Variants in CARMIL1 observed in about 807,000 individuals in gnomAD.
CARMIL1 encodes capping protein regulator and myosin 1 linker 1.
Under a neutral mutation model 177.1 loss-of-function variants are expected in CARMIL1, and 90 were observed. The observed-to-expected ratio is 0.51, with a 90% CI of 0.43 to 0.61. The LOEUF is 0.61. Ranked by LOEUF, CARMIL1 falls within the 20% of genes least tolerant of loss-of-function variation. The pLI is 0.00. For synonymous variants in CARMIL1, 577 were observed against 606.2 expected (o/e 0.95, Z 0.71); for missense variants, 1,380 against 1,667.0 (o/e 0.83, Z 3.00).
chr6:25,500,278 T>A, intron 17 of CARMIL1, 43 bp downstream of exon 17: 2 of 1,545,346 alleles, frequency 1.3e-6, no homozygotes, highest in Non-Finnish European at 1.8e-6. Flanking sequence ...GATAATAGCC[T>A]CAACCGCTTT....
intron 2 of CARMIL1, among the ~76,000 whole-genome samples, chr6:25,402,020 TC>T (rs1218971613): frequency 6.6e-6 from 1 of 152,032 alleles, no homozygotes; most frequent in Admixed American, 6.6e-5. Flanking sequence ...TCAATTAATT[TC>T]CCTTTTTATG....
Position 25,619,867 on chromosome 6 carries a change from A to G in CARMIL1, c.*284A>G, listed in dbSNP as rs1279876155. The G allele has an allele frequency of 5.1e-6, 1 of 196,758 alleles. No individual in the cohort carries two copies. The highest frequency in any genetic ancestry group is 1.0e-5 in the Non-Finnish European group (1 of 98,402). The allele number at this position is 196,758 out of a possible 1,614,324, so 12.2% of individuals were successfully genotyped here. A position where few individuals can be genotyped will look rare whatever the true frequency, so the allele number is the denominator to read the frequency against. ...CATTCCTTCATATGCCTTTAATGAA[A>G]GCCAGCAATTATCCCATGGGCCCTA... On this transcript the variant is annotated 3_prime_UTR_variant, in exon 37 of 37. Coordinates refer to ENST00000329474, the MANE Select transcript of CARMIL1 (RefSeq NM_017640.6).
chr6:25,568,302 GA>G (rs1811742676), intron 29 of CARMIL1, among the ~76,000 whole-genome samples: 2 of 152,156 alleles, frequency 1.3e-5, no homozygotes, highest in African/African-American at 4.8e-5. Context: ...ATAATTAATA[GA>G]AATTAAAAAG....
At chr6:25,281,693 T>C (rs184315947) in intron 1 of CARMIL1, among the ~76,000 whole-genome samples, 4 of 152,282 alleles carry the variant, frequency 2.6e-5, no homozygotes, top group African/African-American at 9.6e-5. Context: ...ATAGAATAAA[T>C]ACCTGCACCT....
intron 11 of CARMIL1, among the ~76,000 whole-genome samples, chr6:25,481,178 A>G (rs1250174183): frequency 2.0e-5 from 3 of 151,986 alleles, no homozygotes; most frequent in African/African-American, 4.8e-5. Context: ...ATGGATTAGC[A>G]TACTCAAGTC....
chr6:25,401,334 G>A (rs959502724), intron 2 of CARMIL1, among the ~76,000 whole-genome samples: 88 of 152,178 alleles, frequency 5.8e-4, no homozygotes, highest in African/African-American at 2.1e-3. Context: ...CAAAATGTGT[G>A]TGTTTATAGA....
intron 4 of CARMIL1, among the ~76,000 whole-genome samples, chr6:25,428,962 C>A (rs57045153): frequency 0.014 from 2,090 of 152,252 alleles, 51 homozygotes; most frequent in African/African-American, 0.045. Flanking sequence ...AAGATGATGT[C>A]ATTTGTGAAT....
chr6:25,528,821 C>T lies in CARMIL1; in HGVS notation c.1995C>T (p.His665=), dbSNP rs758509217. Residue 665 remains histidine (H), a synonymous_variant, in exon 24 of 37, where the codon CAC becomes CAT. Transcript: ENST00000329474. The stretch of plus-strand genomic sequence containing the variant: ...TAGAAAACTACCTGCTACGAAATCA[C>T]GAGACTAGAAAATACCTTCAAGAGC... ...QKIENYLLRN[H]ETRKYLQEQA... The T allele has an allele frequency of 3.4e-5, 54 of 1,607,774 alleles. No individual in the cohort carries two copies. Among genetic ancestry groups the T allele is most frequent in the South Asian group, 1.8e-4 (16 of 89,574 alleles).
At chr6:25,552,797 T>G (rs1810238209) in intron 27 of CARMIL1, among the ~76,000 whole-genome samples, 1 of 152,148 alleles carries the variant, frequency 6.6e-6, no homozygotes, top group Admixed American at 6.5e-5. Context: ...TATAGTTTTA[T>G]GAGGAAGTAT....
At chr6:25,289,841 G>A (rs1312109622) in intron 2 of CARMIL1, among the ~76,000 whole-genome samples, 1 of 152,180 alleles carries the variant, frequency 6.6e-6, no homozygotes, top group African/African-American at 2.4e-5. Flanking sequence ...GGACATCTGA[G>A]TTGTTTTCAG....
At chr6:25,601,799 T>G (rs1229616103) in intron 33 of CARMIL1, among the ~76,000 whole-genome samples, 1 of 152,200 alleles carries the variant, frequency 6.6e-6, no homozygotes, top group Non-Finnish European at 1.5e-5. Context: ...CTTTTTCACT[T>G]TTCTTTTTAC....
chr6:25,510,375 TA>T (rs1805351091), intron 18 of CARMIL1, 131 bp from the exon 19 acceptor site: 1 of 574,816 alleles, frequency 1.7e-6, no homozygotes, highest in Non-Finnish European at 3.1e-6. Context: ...AATAAAAGAT[TA>T]GAATCCCAGG....
rs1805287324 is a variant in CARMIL1, at chr6:25,509,796, G to A, written c.1477+59G>A. ...ATATTTTTTGAAGCAAGTTAATAAGGGGAAAATAATCTTCTACCCAAATCC... is the reference window on the plus strand; with the variant it reads ...ATATTTTTTGAAGCAAGTTAATAAGAGGAAAATAATCTTCTACCCAAATCC... On this transcript the variant is annotated intron_variant, in intron 18 of 36. Transcript: ENST00000329474. This position sits in a 1 kb window ranked among gnomAD's most constrained non-coding sequence, Gnocchi z 4.1. 3.3e-6 allele frequency: 4 copies of A among 1,207,916 alleles called. No individual in the cohort carries two copies. Among genetic ancestry groups the A allele is most frequent in the Admixed American group, 2.1e-5 (1 of 46,784 alleles). The allele number at this position is 1,207,916 out of a possible 1,614,324, so 74.8% of individuals were successfully genotyped here. A position where few individuals can be genotyped will look rare whatever the true frequency, so the allele number is the denominator to read the frequency against.
intron 2 of CARMIL1, among the ~76,000 whole-genome samples, chr6:25,304,643 G>T (rs1338896437): frequency 6.6e-6 from 1 of 152,188 alleles, no homozygotes; most frequent in Admixed American, 6.5e-5. Context: ...CTCCTGCTGT[G>T]CGGTCTGGTT....
intron 2 of CARMIL1, among the ~76,000 whole-genome samples, chr6:25,357,078 T>TG (rs1381149781): frequency 7.1e-6 from 1 of 141,268 alleles, no homozygotes; most frequent in Non-Finnish European, 1.5e-5. Flanking sequence ...GTCATTGTGT[T>TG]TTTTTTTTTT....
intron 31 of CARMIL1, among the ~76,000 whole-genome samples, chr6:25,583,541 GATAGCTGGAGAC>G (rs1165352536): frequency 3.9e-5 from 6 of 152,138 alleles, no homozygotes; most frequent in African/African-American, 1.4e-4. Context: ...TAAGTAGGTG[GATAGCTGGAGAC>G]ATAGATGGAT....
At chr6:25,448,080 C>G (rs927578540) in intron 5 of CARMIL1, among the ~76,000 whole-genome samples, 1 of 152,172 alleles carries the variant, frequency 6.6e-6, no homozygotes, top group Admixed American at 6.5e-5. Context: ...TCTTCACTCT[C>G]AGCTGGACTC....
chr6:25,520,266 C>G lies in CARMIL1; in HGVS notation c.1897C>G (p.Pro633Ala). ...TAGGAACTACACATTAAGATTTATGCCAATTCCTATGTATGATGCTTCTCA... is the reference window on the plus strand; with the variant it reads ...TAGGAACTACACATTAAGATTTATGGCAATTCCTATGTATGATGCTTCTCA... ...MEKNYTLRFM[P>A]IPMYDASQAL... Residue 633 changes from proline (P) to alanine (A), a missense_variant, in exon 23 of 37, where the codon CCA becomes GCA. Physicochemically the swap from Pro to Ala is conservative, Grantham distance 27 (BLOSUM62 -1). Coordinates refer to ENST00000329474, the MANE Select transcript of CARMIL1 (RefSeq NM_017640.6). The G allele has an allele frequency of 6.5e-7, 1 of 1,549,090 alleles. No individual in the cohort carries two copies. The highest frequency in any genetic ancestry group is 8.8e-7 in the Non-Finnish European group (1 of 1,142,610).
chr6:25,378,478 G>C (rs972266574), intron 2 of CARMIL1, among the ~76,000 whole-genome samples: 13 of 152,210 alleles, frequency 8.5e-5, no homozygotes, highest in Non-Finnish European at 1.8e-4. Flanking sequence ...CTCTCAACCT[G>C]TGATTGCTGT....
Sources: gnomAD v4.1 joint callset for allele counts (sites outside exome capture counted in the v4.1 genomes callset) on GRCh38, gnomAD v4.1.1 for gene constraint, Gnocchi (gnomAD v3.1) non-coding constraint, MANE v1.5 for transcripts, NCBI Gene and HGNC (gene_info 2026-07-23, HGNC 2026-07-21) for gene names.